Variants in COL26A1 observed in about 807,000 individuals in gnomAD.
COL26A1 encodes collagen alpha-1(XXVI) chain.
A neutral mutation model predicts 59.3 loss-of-function variants in COL26A1; 41 were observed. The observed-to-expected ratio is 0.69, with a 90% CI of 0.54 to 0.90. The LOEUF (loss-of-function observed/expected upper bound fraction) is 0.90, where lower values mean the gene tolerates loss of function less well. COL26A1 is among the 40% of genes least tolerant of loss of function. The pLI is 0.00. For synonymous variants in COL26A1, 266 were observed against 256.0 expected, an observed-to-expected ratio of 1.04 and a Z score of -0.37; for missense variants, 612 against 602.3, an observed-to-expected ratio of 1.02 and a Z score of -0.17.
At chr7:101,485,835 C>T (rs1378385608) in intron 3 of COL26A1, among the ~76,000 whole-genome samples, 1 of 152,088 alleles carries the variant, frequency 6.6e-6, no homozygotes, top group Non-Finnish European at 1.5e-5. Context: ...TGGGATTGTC[C>T]CATCCTGTCT....
chr7:101,369,814 C>T (rs1175956271), intron 1 of COL26A1, among the ~76,000 whole-genome samples: 3 of 152,052 alleles, frequency 2.0e-5, no homozygotes, highest in African/African-American at 7.2e-5. Context: ...GCATTCCCAT[C>T]AGCAGTTTCT....
intron 1 of COL26A1, among the ~76,000 whole-genome samples, chr7:101,381,614 G>A (rs1584355940): frequency 6.6e-6 from 1 of 152,312 alleles, no homozygotes; most frequent in Non-Finnish European, 1.5e-5. Context: ...GAAAGAGCGA[G>A]AGATTAAACT....
At position 101,422,795 on chromosome 7, in the gene COL26A1, G is replaced by A. The variant is rs1025700414; in HGVS notation, c.281+2696G>A. On this transcript the variant is annotated intron_variant, in intron 2 of 12. Transcript: ENST00000313669. The stretch of plus-strand genomic sequence containing the variant: ...GCTAGGACTACAGGCATGCATCACC[G>A]TGCCTCACTAATTACTTTTTCTTTG... Among the ~76,000 whole-genome samples the A allele has an allele frequency of 3.4e-4, 51 of 152,108 alleles. 1 individual carries two copies. The highest frequency in any genetic ancestry group is 4.1e-4 in the South Asian group (2 of 4,820).
intron 2 of COL26A1, among the ~76,000 whole-genome samples, chr7:101,429,670 G>A (rs1386536306): frequency 7.3e-6 from 1 of 136,608 alleles, no homozygotes; most frequent in East Asian, 2.1e-4. Flanking sequence ...ATAGCTCACT[G>A]CAGCCTTGAC....
At chr7:101,463,771 T>TTTCTTTCTTTCTCTC (rs1793678654) in intron 3 of COL26A1, among the ~76,000 whole-genome samples, 1 of 81,700 alleles carries the variant, frequency 1.2e-5, no homozygotes, top group Non-Finnish European at 2.2e-5. Flanking sequence ...TTTTCCTTCC[T>TTTCTTTCTTTCTCTC]TCTTTCTTTC....
At chr7:101,513,859 G>A (rs925132642) in intron 3 of COL26A1, among the ~76,000 whole-genome samples, 1 of 152,062 alleles carries the variant, frequency 6.6e-6, no homozygotes, top group African/African-American at 2.4e-5. Context: ...AATTGACGAC[G>A]GGCTGGTATT....
chr7:101,488,349 AATATATATATAT>A (rs368433793), intron 3 of COL26A1, among the ~76,000 whole-genome samples: 1 of 104,974 alleles, frequency 9.5e-6, no homozygotes, highest in Non-Finnish European at 1.9e-5. Context: ...AATTTTATTT[AATATATATATAT>A]ATATATATAT....
Position 101,547,198 on chromosome 7 carries a change from T to G in COL26A1, c.899T>G (p.Leu300Arg). ...GCCTCTGCCATCGTGGACACAGTGC[T>G]GGCAGGTGTCCCAGGACCCCGGGGT... ...RLASAIVDTV[L>R]AGVPGPRGPP... Residue 300 changes from leucine to arginine, a missense_variant, in exon 8 of 13, where the codon CTG (leucine) becomes CGG (arginine). Leu to Arg is a moderately radical substitution (Grantham distance 102, BLOSUM62 -2). Coordinates refer to ENST00000313669, the MANE Select transcript of COL26A1 (RefSeq NM_001278563.3). 6.3e-7 allele frequency: 1 copy of G among 1,597,384 alleles called. No individual in the cohort carries two copies. Among genetic ancestry groups the G allele is most frequent in the Non-Finnish European group, 8.5e-7 (1 of 1,173,738 alleles).
At chr7:101,468,036 T>C (rs182320129) in intron 3 of COL26A1, among the ~76,000 whole-genome samples, 1 of 151,658 alleles carries the variant, frequency 6.6e-6, no homozygotes, top group African/African-American at 2.4e-5. Context: ...AAAGAAATGA[T>C]TCACACTTGT....
At chr7:101,483,480 G>A (rs1794198417) in intron 3 of COL26A1, among the ~76,000 whole-genome samples, 1 of 151,718 alleles carries the variant, frequency 6.6e-6, no homozygotes. Flanking sequence ...ACAGGCATGA[G>A]CCACTGTGCC....
At chr7:101,481,201 G>A (rs947059138) in intron 3 of COL26A1, among the ~76,000 whole-genome samples, 6 of 152,030 alleles carry the variant, frequency 3.9e-5, no homozygotes, top group Non-Finnish European at 7.4e-5. Flanking sequence ...TTCATGGAAG[G>A]TTGTCATTCC....
chr7:101,489,680 C>CTGT lies in COL26A1; in HGVS notation c.385+41893_385+41894insTGT, dbSNP rs1563007460. ...TTCTTTCTTCCTTCCTTCCTTCCTTCCTTTCTTTCTTTCTTTCTGTCTTTC... is the reference window on the plus strand; with the variant it reads ...TTCTTTCTTCCTTCCTTCCTTCCTTCTGTCTTTCTTTCTTTCTTTCTGTCTTTC... On this transcript the variant is annotated intron_variant, in intron 3 of 12. Coordinates refer to ENST00000313669, the MANE Select transcript of COL26A1 (RefSeq NM_001278563.3). Among the ~76,000 whole-genome samples, 73 of 21,344 alleles carry CTGT rather than the reference C, an allele frequency of 3.4e-3. 1 individual carries two copies. The highest frequency in any genetic ancestry group is 8.6e-3 in the African/African-American group (30 of 3,486). 14.0% of individuals were successfully genotyped at this position (21,344 alleles called of 152,430 possible). A position where few individuals can be genotyped will look rare whatever the true frequency, so the allele number is the denominator to read the frequency against.
At chr7:101,465,856 T>G (rs1297706573) in intron 3 of COL26A1, among the ~76,000 whole-genome samples, 2 of 152,172 alleles carry the variant, frequency 1.3e-5, no homozygotes, top group East Asian at 3.9e-4. Flanking sequence ...GAACAGAGAA[T>G]CTCATCTTCT....
intron 1 of COL26A1, among the ~76,000 whole-genome samples, chr7:101,387,754 T>TTATA (rs1253686672): frequency 8.4e-5 from 8 of 95,078 alleles, no homozygotes; most frequent in African/African-American, 2.7e-4. Flanking sequence ...ATATATATAT[T>TTATA]TATATATATA....
intron 4 of COL26A1, among the ~76,000 whole-genome samples, chr7:101,535,339 C>T (rs1481098399): frequency 6.6e-6 from 1 of 152,224 alleles, no homozygotes; most frequent in African/African-American, 2.4e-5. Flanking sequence ...GAGCCATGCC[C>T]AGCCTGATGG....
chr7:101,477,907 C>T (rs546411839), intron 3 of COL26A1, among the ~76,000 whole-genome samples: 3 of 152,280 alleles, frequency 2.0e-5, no homozygotes, highest in South Asian at 4.2e-4. Context: ...ATTTGTTTTG[C>T]GGTTTCCACA....
intron 3 of COL26A1, among the ~76,000 whole-genome samples, chr7:101,489,701 C>CTTTCTTTCTTTTTCT (rs1250402840): frequency 1.2e-5 from 1 of 84,080 alleles, no homozygotes; most frequent in Non-Finnish European, 2.1e-5. Flanking sequence ...TTCTTTCTGT[C>CTTTCTTTCTTTTTCT]TTTCTTTCTT....
chr7:101,437,180 G>A (rs1296128257), intron 2 of COL26A1, among the ~76,000 whole-genome samples: 1 of 152,188 alleles, frequency 6.6e-6, no homozygotes, highest in Non-Finnish European at 1.5e-5. Context: ...AATCATAAGT[G>A]CTTAGAAGAG....
intron 1 of COL26A1, among the ~76,000 whole-genome samples, chr7:101,410,739 C>G (rs1054883030): frequency 2.6e-5 from 4 of 151,660 alleles, no homozygotes; most frequent in Admixed American, 2.0e-4. Context: ...GCTCTGTAGC[C>G]CAGGCTGGAG....
Sources: gnomAD v4.1 joint callset for allele counts (sites outside exome capture counted in the v4.1 genomes callset) on GRCh38, gnomAD v4.1.1 for gene constraint, MANE v1.5 for transcripts, NCBI Gene and HGNC (gene_info 2026-07-23, HGNC 2026-07-21) for gene names.